KLHL29: variants seen among roughly 807,000 people sequenced by gnomAD.
The protein encoded by KLHL29 is kelch like family member 29.
A neutral mutation model predicts 80.4 loss-of-function variants in KLHL29; 21 were observed. That is an observed-to-expected ratio of 0.26 (90% CI 0.19 to 0.38). KLHL29 has a LOEUF of 0.38. KLHL29 is among the 10% of genes least tolerant of loss of function. KLHL29 has a pLI of 1.00. For missense variants in KLHL29, 867 were observed against 1,223.9 expected, an observed-to-expected ratio of 0.71 and a Z score of 4.35; for synonymous variants, 511 against 526.8, an observed-to-expected ratio of 0.97 and a Z score of 0.41.
chr2:23,465,708 G>C (rs546133949), intron 1 of KLHL29, among the ~76,000 whole-genome samples: 2 of 152,252 alleles, frequency 1.3e-5, no homozygotes, highest in East Asian at 3.9e-4. Flanking sequence ...TTTAGGAGGA[G>C]CCCAAATGAA....
intron 1 of KLHL29, among the ~76,000 whole-genome samples, chr2:23,446,525 A>G (rs183734177): frequency 5.7e-4 from 87 of 152,300 alleles, no homozygotes; most frequent in Non-Finnish European, 8.4e-4. Context: ...TGGATACTCT[A>G]AAAGCTCTTC....
intron 2 of KLHL29, among the ~76,000 whole-genome samples, chr2:23,523,272 G>GC: frequency 6.6e-6 from 1 of 152,350 alleles, no homozygotes; most frequent in South Asian, 2.1e-4. Flanking sequence ...CAGAAAGGGA[G>GC]CAGAGCCATT....
chr2:23,563,485 A>G (rs1438795238), intron 3 of KLHL29, among the ~76,000 whole-genome samples: 1 of 152,218 alleles, frequency 6.6e-6, no homozygotes, highest in Non-Finnish European at 1.5e-5. Context: ...ATGTGCCTGC[A>G]TGCGTGTGTG....
intron 3 of KLHL29, among the ~76,000 whole-genome samples, chr2:23,619,280 CG>C (rs1446963457): frequency 6.6e-6 from 1 of 152,216 alleles, no homozygotes; most frequent in Non-Finnish European, 1.5e-5. Flanking sequence ...GGGTCTTCTG[CG>C]GGGCTGGATC....
At chr2:23,475,971 T>A (rs1664630363) in intron 2 of KLHL29, among the ~76,000 whole-genome samples, 1 of 152,210 alleles carries the variant, frequency 6.6e-6, no homozygotes. Flanking sequence ...CCTCTGCCTC[T>A]GGGTTCAAGC....
At chr2:23,579,084 T>A (rs574627892) in intron 3 of KLHL29, among the ~76,000 whole-genome samples, 3 of 152,286 alleles carry the variant, frequency 2.0e-5, no homozygotes, top group Admixed American at 1.3e-4. Context: ...TTATGGTTGT[T>A]TTTGTTGTCA....
At chr2:23,520,744 A>C (rs1666068993) in intron 2 of KLHL29, among the ~76,000 whole-genome samples, 1 of 152,250 alleles carries the variant, frequency 6.6e-6, no homozygotes, top group South Asian at 2.1e-4. Flanking sequence ...TGACTCTTTC[A>C]TACATTTCTT....
chr2:23,507,500 A>G (rs561747001), intron 2 of KLHL29, among the ~76,000 whole-genome samples: 18 of 152,072 alleles, frequency 1.2e-4, no homozygotes, highest in Non-Finnish European at 2.5e-4. Context: ...AGCAACAACA[A>G]CAGCTGGCTT....
At chr2:23,557,516 G>A (rs563058093) in intron 2 of KLHL29, among the ~76,000 whole-genome samples, 80 of 152,202 alleles carry the variant, frequency 5.3e-4, no homozygotes, top group Admixed American at 3.5e-3. Flanking sequence ...GACTTGAGGA[G>A]CTGAGCATCA....
At chr2:23,661,847 T>C (rs1670417529) in intron 5 of KLHL29, among the ~76,000 whole-genome samples, 1 of 152,220 alleles carries the variant, frequency 6.6e-6, no homozygotes, top group Non-Finnish European at 1.5e-5. Context: ...TGCCCTGCAC[T>C]CCTGAGCCAG....
chr2:23,528,799 C>G (rs535830329), intron 2 of KLHL29, among the ~76,000 whole-genome samples: 2 of 152,342 alleles, frequency 1.3e-5, no homozygotes, highest in East Asian at 3.9e-4. Context: ...CGCACACATC[C>G]CCAGACCGCC....
intron 2 of KLHL29, among the ~76,000 whole-genome samples, chr2:23,539,158 G>A (rs988467360): frequency 2.0e-5 from 3 of 152,108 alleles, no homozygotes; most frequent in African/African-American, 7.2e-5. Flanking sequence ...GCTGATGAGT[G>A]TAGGGACCCT....
chr2:23,406,759 T>C (rs1666748124), intron 1 of KLHL29, among the ~76,000 whole-genome samples: 1 of 152,194 alleles, frequency 6.6e-6, no homozygotes. Flanking sequence ...TATACCAACC[T>C]CATGGGGTAG....
At chr2:23,579,027 C>T (rs996035181) in intron 3 of KLHL29, among the ~76,000 whole-genome samples, 1 of 152,232 alleles carries the variant, frequency 6.6e-6, no homozygotes, top group East Asian at 1.9e-4. Context: ...CCCGTGCCCC[C>T]GCCAGTCCTG....
chr2:23,411,195 A>G (rs1322156144), intron 1 of KLHL29, among the ~76,000 whole-genome samples: 1 of 152,182 alleles, frequency 6.6e-6, no homozygotes, highest in Non-Finnish European at 1.5e-5. Flanking sequence ...CTGTGAGGCC[A>G]GGTGAGGGAG....
intron 2 of KLHL29, among the ~76,000 whole-genome samples, chr2:23,548,984 G>T: frequency 6.6e-6 from 1 of 152,262 alleles, no homozygotes; most frequent in East Asian, 1.9e-4. Flanking sequence ...TCCCTTCCCC[G>T]CCTGCCTCCC....
At chr2:23,528,638 G>T (rs1361214754) in intron 2 of KLHL29, among the ~76,000 whole-genome samples, 1 of 152,192 alleles carries the variant, frequency 6.6e-6, no homozygotes, top group Admixed American at 6.5e-5. Flanking sequence ...GATCAATAAA[G>T]CAGGAAACTG....
At chr2:23,430,360 C>A (rs1663133921) in intron 1 of KLHL29, among the ~76,000 whole-genome samples, 1 of 152,238 alleles carries the variant, frequency 6.6e-6, no homozygotes, top group African/African-American at 2.4e-5. Context: ...CCCACTCATT[C>A]TGAAAGAATT....
rs1667475692 is a variant in KLHL29, at chr2:23,562,477, C to A, written c.281C>A (p.Thr94Asn). 6.5e-7 allele frequency: 1 copy of A among 1,535,780 alleles called. No homozygotes were observed. Among genetic ancestry groups the A allele is most frequent in the Non-Finnish European group, 8.7e-7 (1 of 1,146,732 alleles). ...LVASSASAVTTKAPGISKGDS... is the reference protein window; with the variant it reads ...LVASSASAVTNKAPGISKGDS... ...GCCAGCTCTGCGTCTGCGGTCACCACCAAGGTAAGATGTGGTGTCATCTCT... is the reference window on the plus strand; with the variant it reads ...GCCAGCTCTGCGTCTGCGGTCACCAACAAGGTAAGATGTGGTGTCATCTCT... Residue 94 changes from threonine (T) to asparagine (N), a missense_variant, in exon 3 of 14, where the codon ACC (threonine) becomes AAC (asparagine). Thr to Asn is a moderately conservative substitution (Grantham distance 65, BLOSUM62 0). Coordinates refer to ENST00000486442, the MANE Select transcript of KLHL29 (RefSeq NM_052920.2). This position sits in a 1 kb window ranked among gnomAD's most constrained non-coding sequence, Gnocchi z 4.5.
Sources: gnomAD v4.1 joint callset for allele counts (sites outside exome capture counted in the v4.1 genomes callset) on GRCh38, gnomAD v4.1.1 for gene constraint, Gnocchi (gnomAD v3.1) non-coding constraint, MANE v1.5 for transcripts, NCBI Gene and HGNC (gene_info 2026-07-23, HGNC 2026-07-21) for gene names.